The following SYNE2 variants were observed in gnomAD, a reference collection of about 807,000 sequenced individuals.
SYNE2 encodes the protein nesprin-2.
SYNE2 carries 431 observed loss-of-function variants against 856.3 expected under a neutral mutation model. That is an observed-to-expected ratio of 0.50 (90% CI 0.47 to 0.55). The LOEUF is 0.55. SYNE2 is among the 20% of genes least tolerant of loss of function. The pLI is 0.00. For missense variants in SYNE2, 8,129 were observed against 8,023.2 expected, an observed-to-expected ratio of 1.01 and a Z score of -0.50; for synonymous variants, 2,923 against 2,872.3, an observed-to-expected ratio of 1.02 and a Z score of -0.56.
chr14:64,027,429 G>A (rs1481772241), intron 42 of SYNE2, 55 bp from the exon 43 acceptor site: 4 of 1,150,446 alleles, frequency 3.5e-6, no homozygotes, highest in South Asian at 1.4e-5. Flanking sequence ...TATGCAAAAT[G>A]CTAGTCCATT....
chr14:63,993,991 T>C (rs781656073), intron 22 of SYNE2, 22 bp downstream of exon 22: 1 of 1,612,710 alleles, frequency 6.2e-7, no homozygotes, highest in African/African-American at 1.3e-5. Context: ...CATATGTTTC[T>C]GAACTTACGT....
chr14:64,212,846 G>A lies in SYNE2; in HGVS notation c.18897G>A (p.Lys6299=), dbSNP rs2098648397. 3 of 1,614,228 alleles carry A rather than the reference G, an allele frequency of 1.9e-6. No homozygotes were observed. The East Asian group carries it at 6.7e-5, about 36-fold the overall frequency. ...FQQEITLNTN[K]IDQLIVFGEQ... is the part of the protein sequence containing the mutation. ...AGGAAATTACATTAAATACCAACAA[G>A]ATTGATCAGCTCATTGTGTTTGGGG... The change falls in exon 105 of 116, where the codon AAG becomes AAA. Residue 6299 remains lysine, a synonymous_variant. Coordinates refer to ENST00000555002, the MANE Select transcript of SYNE2 (RefSeq NM_182914.3).
chr14:63,827,340 G>C (rs1334194481), intron 1 of SYNE2, among the ~76,000 whole-genome samples: 3 of 147,014 alleles, frequency 2.0e-5, no homozygotes, highest in African/African-American at 7.5e-5. Flanking sequence ...TAAGAAATGT[G>C]CAGGCCGGGC....
At chr14:64,141,206 AG>A in intron 80 of SYNE2, 134 bp from the exon 81 acceptor site, 2 of 668,228 alleles carry the variant, frequency 3.0e-6, no homozygotes, top group Non-Finnish European at 5.0e-6. Context: ...AGTAGGAAAA[AG>A]GGGTGTGTGT....
At chr14:64,123,104 A>AG (rs200276376) in intron 70 of SYNE2, among the ~76,000 whole-genome samples, 4,926 of 152,146 alleles carry the variant, frequency 0.032, 135 homozygotes, top group Non-Finnish European at 0.047. Flanking sequence ...CGTCTCAAAA[A>AG]AAAAAAAAAC....
At chr14:64,174,018 G>A (rs1452967566) in intron 94 of SYNE2, 11 of 629,530 alleles carry the variant, frequency 1.7e-5, no homozygotes, top group African/African-American at 5.6e-5. Context: ...CTGTAACACC[G>A]CCACTAAAAT....
At chr14:63,768,352 G>GATTA (rs1886767628) in intron 1 of SYNE2, among the ~76,000 whole-genome samples, 1 of 152,132 alleles carries the variant, frequency 6.6e-6, no homozygotes, top group Non-Finnish European at 1.5e-5. Context: ...AGTTAGCTGA[G>GATTA]ATTAAGCCTT....
In SYNE2 at chr14:64,108,679, A is replaced by C. The variant is rs1223649374; in HGVS notation, c.12609+1072A>C. 2.6e-5 allele frequency among the ~76,000 whole-genome samples: 4 copies of C among 151,856 alleles called. No homozygotes were observed. The East Asian group carries it at 7.7e-4, about 29-fold the overall frequency. On this transcript the variant is annotated intron_variant, in intron 65 of 115. Transcript: ENST00000555002. ...GTTTTTTTCTCCCAATCTTTTGTCTAGTCTTACAAAAATATCTCTTAGTTC... is the reference window on the plus strand; with the variant it reads ...GTTTTTTTCTCCCAATCTTTTGTCTCGTCTTACAAAAATATCTCTTAGTTC...
chr14:64,202,821 C>T lies in SYNE2; in HGVS notation c.18059C>T (p.Thr6020Ile). The T allele has an allele frequency of 6.2e-7, 1 of 1,613,942 alleles. No individual in the cohort carries two copies. Among genetic ancestry groups the T allele is most frequent in the Non-Finnish European group, 8.5e-7 (1 of 1,179,998 alleles). The change falls in exon 100 of 116, where the codon ACC becomes ATC. Residue 6020 changes from threonine to isoleucine, a missense_variant. This residue lies in a region of SYNE2 where 5,410 missense variants were observed against 5,284.8 expected (regional missense o/e 1.02). Transcript: ENST00000555002. ...TGTAGGGTGAAGAAGCTGAAGGAGACCTTTGCTTTTATTCAGCAGTTGGAC... is the reference window on the plus strand; with the variant it reads ...TGTAGGGTGAAGAAGCTGAAGGAGATCTTTGCTTTTATTCAGCAGTTGGAC... The part of the protein sequence containing the change: ...IGSRVKKLKE[T>I]FAFIQQLDKN...
chr14:63,843,184 G>A (rs1464942908), intron 1 of SYNE2, among the ~76,000 whole-genome samples: 1 of 151,898 alleles, frequency 6.6e-6, no homozygotes, highest in Non-Finnish European at 1.5e-5. Flanking sequence ...CTATAGGTGT[G>A]CCCCACCATA....
intron 2 of SYNE2, among the ~76,000 whole-genome samples, chr14:63,927,425 C>T (rs559820394): frequency 5.3e-5 from 8 of 152,220 alleles, no homozygotes; most frequent in South Asian, 2.1e-4. Context: ...TCTTGAATTG[C>T]GCTCCCGTAA....
chr14:64,143,492 T>C (rs1434216188), intron 82 of SYNE2, among the ~76,000 whole-genome samples: 1 of 152,172 alleles, frequency 6.6e-6, no homozygotes, highest in African/African-American at 2.4e-5. Flanking sequence ...ATATCCTGGG[T>C]CGTGGTCAGG....
chr14:64,224,573 A>T (rs1324227255), intron 114 of SYNE2, 26 bp downstream of exon 114: 1 of 1,611,230 alleles, frequency 6.2e-7, no homozygotes, highest in South Asian at 1.1e-5. Flanking sequence ...CTTCTGTGAG[A>T]ACCTCACTGG....
At chr14:63,866,255 T>C (rs1448624041) in intron 1 of SYNE2, among the ~76,000 whole-genome samples, 1 of 152,238 alleles carries the variant, frequency 6.6e-6, no homozygotes, top group African/African-American at 2.4e-5. Flanking sequence ...GAACTTGAGA[T>C]GTCAGACTAC....
intron 73 of SYNE2, 34 bp downstream of exon 73, chr14:64,126,841 T>C (rs1229568084): frequency 1.2e-6 from 2 of 1,601,166 alleles, no homozygotes; most frequent in Non-Finnish European, 1.7e-6. Flanking sequence ...ATTTTGGCAC[T>C]GTTTTAAGTT....
chr14:64,039,380 C>T (rs2097129717), intron 45 of SYNE2, among the ~76,000 whole-genome samples: 1 of 152,072 alleles, frequency 6.6e-6, no homozygotes, highest in Non-Finnish European at 1.5e-5. Flanking sequence ...GGAGACCATG[C>T]TCAGTCATTT....
chr14:63,896,504 T>G (rs1391424445), intron 1 of SYNE2, among the ~76,000 whole-genome samples: 1 of 152,246 alleles, frequency 6.6e-6, no homozygotes, highest in Non-Finnish European at 1.5e-5. Flanking sequence ...TTGTTTCTTG[T>G]AATCCAGTGT....
intron 32 of SYNE2, 41 bp downstream of exon 32, chr14:64,010,157 C>T: frequency 6.3e-7 from 1 of 1,581,448 alleles, no homozygotes; most frequent in Non-Finnish European, 8.6e-7. Flanking sequence ...CCAGTGACCT[C>T]ACTGACAGGC....
chr14:63,985,574 T>A (rs189869380), intron 18 of SYNE2, among the ~76,000 whole-genome samples: 114 of 152,320 alleles, frequency 7.5e-4, no homozygotes, highest in Non-Finnish European at 1.0e-3. Flanking sequence ...TTTAGAAATG[T>A]GTTTATAGTC....
Sources: gnomAD v4.1 joint callset for allele counts (sites outside exome capture counted in the v4.1 genomes callset) on GRCh38, gnomAD v4.1.1 for gene constraint, gnomAD v4.1.1 regional missense constraint, MANE v1.5 for transcripts, NCBI Gene and HGNC (gene_info 2026-07-23, HGNC 2026-07-21) for gene names.